The following C11orf42 variants were observed in gnomAD, a reference collection of about 807,000 sequenced individuals.
The protein encoded by C11orf42 is uncharacterized protein C11orf42.
A neutral mutation model predicts 27.9 loss-of-function variants in C11orf42; 24 were observed. The observed-to-expected ratio is 0.86, with a 90% CI of 0.62 to 1.21. The LOEUF (loss-of-function observed/expected upper bound fraction) is 1.21. Among genes scored for constraint, C11orf42 ranks in the 50% most tolerant of loss-of-function variants. C11orf42 has a pLI of 0.00. For missense variants in C11orf42, 455 were observed against 424.1 expected, an observed-to-expected ratio of 1.07 and a Z score of -0.64; for synonymous variants, 187 against 180.8, an observed-to-expected ratio of 1.03 and a Z score of -0.28.
chr11:6,208,392 T>G (rs559413711), intron 1 of C11orf42, among the ~76,000 whole-genome samples: 1 of 152,334 alleles, frequency 6.6e-6, no homozygotes, highest in South Asian at 2.1e-4. Flanking sequence ...CGTAACCTAC[T>G]ATTGATTAAA....
In C11orf42 at chr11:6,209,983, A is replaced by T; in HGVS notation, c.206A>T (p.Gln69Leu). The T allele has an allele frequency of 2.5e-6, 4 of 1,613,654 alleles. No homozygotes were observed. Among genetic ancestry groups the T allele is most frequent in the Non-Finnish European group, 3.4e-6 (4 of 1,179,538 alleles). The change falls in exon 2 of 3, where the codon CAG (glutamine) becomes CTG (leucine). Residue 69 changes from glutamine (Q) to leucine (L), a missense_variant. Coordinates refer to ENST00000316375, the MANE Select transcript of C11orf42 (RefSeq NM_173525.3). ...ACCCGCCTGGCTTTGCCAGGTCGGC[A>T]GGGCCGGAGGGCACTGAAACCAGTG... ...AHTRLALPGR[Q>L]GRRALKPVGP... is the part of the protein sequence containing the mutation.
At chr11:6,207,553 T>C (rs1846992846) in intron 1 of C11orf42, among the ~76,000 whole-genome samples, 1 of 152,180 alleles carries the variant, frequency 6.6e-6, no homozygotes, top group Non-Finnish European at 1.5e-5. Flanking sequence ...GGCAAAGCAT[T>C]GCATCCAAAA....
rs1564854491 is a variant in C11orf42 at position 6,210,503 on chromosome 11, T to TG, written c.727dup (p.Ala243GlyfsTer2). 1.2e-6 allele frequency: 2 copies of TG among 1,613,736 alleles called. No homozygotes were observed. Among genetic ancestry groups the TG allele is most frequent in the Admixed American group, 3.3e-5 (2 of 59,986 alleles). ...CGCCTCTGGCCCCCACATCAGCACC[T>TG]GCTGATACAACTGAAGCTGCTGATG... On this transcript the variant is annotated frameshift_variant, in exon 2 of 3. Transcript: ENST00000316375. LOFTEE classifies it high-confidence loss of function. This position sits in a 1 kb window ranked among gnomAD's most constrained non-coding sequence, Gnocchi z 4.0.
Position 6,210,688 on chromosome 11 carries a change from A to T in C11orf42, c.871+40A>T. The T allele has an allele frequency of 6.3e-7, 1 of 1,594,804 alleles. No homozygotes were observed. The highest frequency in any genetic ancestry group is 2.2e-5 in the East Asian group (1 of 44,766). ...AATGATGATGAGATGGATGGGAGGG[A>T]CAAAGTGAAGGAGGGAGAAGGCATG... On this transcript the variant is annotated intron_variant, in intron 2 of 2. Coordinates refer to ENST00000316375, the MANE Select transcript of C11orf42 (RefSeq NM_173525.3). The surrounding 1 kb of genome is among the most constrained non-coding windows in gnomAD (Gnocchi z 4.0).
Position 6,211,104 on chromosome 11 carries a change from T to C in C11orf42, c.*62T>C. ...GATCTGGCATAGGGGTACTGGTCTC[T>C]AATAAACATCAGCTGCTGCTCCCCC... On this transcript the variant is annotated 3_prime_UTR_variant, in exon 3 of 3. Transcript: ENST00000316375. The C allele has an allele frequency of 6.3e-7, 1 of 1,581,398 alleles. No homozygotes were observed.
rs147868584 is a variant in C11orf42, at chr11:6,206,910, T to G, written c.72+1223T>G. On this transcript the variant is annotated intron_variant, in intron 1 of 2. Transcript: ENST00000316375. ...AAATCACTGGCATTACGGGGCAAAT[T>G]CAAGGATTAGGTCACCTTTAAGTGA... 6.0e-3 allele frequency among the ~76,000 whole-genome samples: 918 copies of G among 152,286 alleles called. 10 individuals are homozygous for G. Among genetic ancestry groups the G allele is most frequent in the African/African-American group, 0.021 (872 of 41,552 alleles).
At chr11:6,209,169 G>A (rs1297445443) in intron 1 of C11orf42, among the ~76,000 whole-genome samples, 5 of 60,264 alleles carry the variant, frequency 8.3e-5, no homozygotes, top group Non-Finnish European at 1.5e-4. Context: ...AAGGAGAACC[G>A]ACTCAAAAAA....
rs772929381 is a variant in C11orf42, at chr11:6,209,952, G to A, written c.175G>A (p.Ala59Thr). ...LGVLVKQSRP[A>T]HTRLALPGRQ... ...TGTGCTGGTAAAACAGTCCCGCCCAGCCCATACCCGCCTGGCTTTGCCAGG... is the reference window on the plus strand; with the variant it reads ...TGTGCTGGTAAAACAGTCCCGCCCAACCCATACCCGCCTGGCTTTGCCAGG... Residue 59 changes from alanine (A) to threonine (T), a missense_variant, in exon 2 of 3, where the codon GCC becomes ACC. Coordinates refer to ENST00000316375, the MANE Select transcript of C11orf42 (RefSeq NM_173525.3). The A allele has an allele frequency of 2.5e-6, 4 of 1,613,062 alleles. No individual in the cohort carries two copies. Among genetic ancestry groups the A allele is most frequent in the Non-Finnish European group, 3.4e-6 (4 of 1,179,112 alleles).
At position 6,205,807 on chromosome 11, in the gene C11orf42, T is replaced by G. The variant is rs567021774; in HGVS notation, c.72+120T>G. On this transcript the variant is annotated intron_variant, in intron 1 of 2. Coordinates refer to ENST00000316375, the MANE Select transcript of C11orf42 (RefSeq NM_173525.3). ...ACAATAATAACCAACATTTACTCACTGCTTCCATATGTGCCAGGCACTGCA... is the reference window on the plus strand; with the variant it reads ...ACAATAATAACCAACATTTACTCACGGCTTCCATATGTGCCAGGCACTGCA... 367 of 732,008 alleles carry G rather than the reference T, an allele frequency of 5.0e-4. 2 individuals carry two copies. In the African/African-American group the frequency reaches 6.0e-3, roughly 12 times the overall value. 45.3% of individuals were successfully genotyped at this position (732,008 alleles called of 1,614,324 possible).
chr11:6,206,756 G>C (rs544991183), intron 1 of C11orf42, among the ~76,000 whole-genome samples: 1 of 152,174 alleles, frequency 6.6e-6, no homozygotes, highest in South Asian at 2.1e-4. Flanking sequence ...ACTAGATCAA[G>C]CAGAATTAGA....
At chr11:6,209,559 C>G (rs1193885563) in intron 1 of C11orf42, among the ~76,000 whole-genome samples, 1 of 152,160 alleles carries the variant, frequency 6.6e-6, no homozygotes, top group Non-Finnish European at 1.5e-5. Context: ...ACACCTTGCT[C>G]TCTATTAATA....
In C11orf42 at chr11:6,210,100, G is replaced by A. The variant is rs763956916; in HGVS notation, c.323G>A (p.Arg108Lys). 14 of 1,614,120 alleles carry A rather than the reference G, an allele frequency of 8.7e-6. No homozygotes were observed. In the Admixed American group the frequency reaches 2.2e-4, roughly 25 times the overall value. Reference protein sequence around the residue: ...REYSPNGRAERAYEETRMLDG... With the variant: ...REYSPNGRAEKAYEETRMLDG... ...TACTCACCAAATGGCCGAGCAGAGA[G>A]AGCCTATGAAGAGACGCGAATGTTG... Residue 108 changes from arginine to lysine, a missense_variant, in exon 2 of 3, where the codon AGA (arginine) becomes AAA (lysine). Arg to Lys is a conservative substitution (Grantham distance 26). Transcript: ENST00000316375. The surrounding 1 kb of genome is among the most constrained non-coding windows in gnomAD (Gnocchi z 4.0).
At chr11:6,209,141 A>G (rs1420624702) in intron 1 of C11orf42, among the ~76,000 whole-genome samples, 1 of 145,668 alleles carries the variant, frequency 6.9e-6, no homozygotes, top group Non-Finnish European at 1.5e-5. Context: ...GCACCACTGT[A>G]CTCCAGCCTA....
chr11:6,210,686 G>A lies in C11orf42; in HGVS notation c.871+38G>A. On this transcript the variant is annotated intron_variant, in intron 2 of 2. Transcript: ENST00000316375. The surrounding 1 kb of genome is among the most constrained non-coding windows in gnomAD (Gnocchi z 4.0). ...GAAATGATGATGAGATGGATGGGAG[G>A]GACAAAGTGAAGGAGGGAGAAGGCA... 2 of 1,595,664 alleles carry A rather than the reference G, an allele frequency of 1.3e-6. No homozygotes were observed. The highest frequency in any genetic ancestry group is 1.7e-6 in the Non-Finnish European group (2 of 1,167,340).
In C11orf42 at chr11:6,205,644, C is replaced by T; in HGVS notation, c.29C>T (p.Thr10Ile). The change falls in exon 1 of 3, where the codon ACA becomes ATA. Residue 10 changes from threonine (T) to isoleucine (I), a missense_variant. Thr to Ile is a moderately conservative substitution (Grantham distance 89). Transcript: ENST00000316375. The stretch of plus-strand genomic sequence containing the variant: ...TTGGTGGGTACCCCCAACCTGCTGA[C>T]ACTGGATGAAGCTGATGCCACCTGG... MLVGTPNLL[T>I]LDEADATWTL... 2.5e-6 allele frequency: 4 copies of T among 1,613,946 alleles called. No individual in the cohort carries two copies. Among genetic ancestry groups the T allele is most frequent in the Non-Finnish European group, 3.4e-6 (4 of 1,179,882 alleles).
At chr11:6,206,631 T>C (rs1345449971) in intron 1 of C11orf42, among the ~76,000 whole-genome samples, 1 of 151,154 alleles carries the variant, frequency 6.6e-6, no homozygotes, top group African/African-American at 2.4e-5. Flanking sequence ...CCATTCCAAA[T>C]AGGGTAGCTG....
chr11:6,210,116 G>A lies in C11orf42; in HGVS notation c.339G>A (p.Thr113=), dbSNP rs182173852. 1,055 of 1,614,198 alleles carry A rather than the reference G, an allele frequency of 6.5e-4. No individual in the cohort carries two copies. Among genetic ancestry groups the A allele is most frequent in the Non-Finnish European group, 8.4e-4 (991 of 1,180,038 alleles). The change falls in exon 2 of 3, where the codon ACG becomes ACA. Residue 113 remains threonine, a synonymous_variant. Transcript: ENST00000316375. The surrounding 1 kb of genome is among the most constrained non-coding windows in gnomAD (Gnocchi z 4.0). ...GAGCAGAGAGAGCCTATGAAGAGACGCGAATGTTGGATGGACAGCCCTGCA... is the reference window on the plus strand; with the variant it reads ...GAGCAGAGAGAGCCTATGAAGAGACACGAATGTTGGATGGACAGCCCTGCA... ...NGRAERAYEE[T]RMLDGQPCKI...
Position 6,210,936 on chromosome 11 carries a change from G to T in C11orf42, c.896G>T (p.Ser299Ile). ...GAGAACTGGCTCTTCAGCCCCCGCAGCCCTCCACCAGGAGCCCAGGGTGGG... is the reference window on the plus strand; with the variant it reads ...GAGAACTGGCTCTTCAGCCCCCGCATCCCTCCACCAGGAGCCCAGGGTGGG... ...LSENWLFSPR[S>I]PPPGAQGGGP... The change falls in exon 3 of 3, where the codon AGC becomes ATC. Residue 299 changes from serine (S) to isoleucine (I), a missense_variant. Ser to Ile is a moderately radical substitution (Grantham distance 142, BLOSUM62 -2). Transcript: ENST00000316375. This position sits in a 1 kb window ranked among gnomAD's most constrained non-coding sequence, Gnocchi z 4.0. 1 of 1,608,828 alleles carries T rather than the reference G, an allele frequency of 6.2e-7. No individual in the cohort carries two copies. Among genetic ancestry groups the T allele is most frequent in the South Asian group, 1.1e-5 (1 of 90,612 alleles).
rs537238708 is a variant in C11orf42, at chr11:6,205,911, T to C, written c.72+224T>C. Among the ~76,000 whole-genome samples the C allele has an allele frequency of 3.9e-5, 6 of 152,148 alleles. No homozygotes were observed. In the South Asian group the frequency reaches 6.2e-4, roughly 16 times the overall value. On this transcript the variant is annotated intron_variant, in intron 1 of 2. Coordinates refer to ENST00000316375, the MANE Select transcript of C11orf42 (RefSeq NM_173525.3). Reference sequence around the variant, plus strand: ...AAAAGGTTCACTGAAAAGCAACGTATAGGGAATTATGAGCAAAGAGGAGAT... The same window carrying C: ...AAAAGGTTCACTGAAAAGCAACGTACAGGGAATTATGAGCAAAGAGGAGAT...
Sources: gnomAD v4.1 joint callset for allele counts (sites outside exome capture counted in the v4.1 genomes callset) on GRCh38, gnomAD v4.1.1 for gene constraint, Gnocchi (gnomAD v3.1) non-coding constraint, MANE v1.5 for transcripts, NCBI Gene and HGNC (gene_info 2026-07-23, HGNC 2026-07-21) for gene names.